Variants in HNRNPLL observed in about 807,000 individuals in gnomAD.
HNRNPLL encodes the protein heterogeneous nuclear ribonucleoprotein L-like.
A neutral mutation model predicts 67.1 loss-of-function variants in HNRNPLL; 25 were observed. That is an observed-to-expected ratio of 0.37 (90% confidence interval 0.27 to 0.52). The LOEUF (loss-of-function observed/expected upper bound fraction) is 0.52. Among genes scored for constraint, HNRNPLL ranks in the 20% least tolerant of loss-of-function variants. The pLI, the probability that HNRNPLL is intolerant of heterozygous loss-of-function variation, is 0.90. For synonymous variants in HNRNPLL, 267 were observed against 241.7 expected (o/e 1.10, Z -0.97); for missense variants, 542 against 673.9 (o/e 0.80, Z 2.17).
intron 6 of HNRNPLL, chr2:38,581,073 T>TGCA (rs1316315891): frequency 6.6e-6 from 1 of 152,248 alleles, no homozygotes; most frequent in Non-Finnish European, 1.5e-5. Context: ...GCAGCAAGTG[T>TGCA]GCACCTTTCT....
Position 38,598,520 on chromosome 2 carries a change from T to C in HNRNPLL, c.189+3918A>G, listed in dbSNP as rs1211818983. Among the ~76,000 whole-genome samples the C allele has an allele frequency of 3.3e-5, 5 of 152,236 alleles. No individual in the cohort carries two copies. In the South Asian group the frequency reaches 1.0e-3, roughly 32 times the overall value. ...TGCTGTGGCTGTAAGCCCTGAAAGT[T>C]GTGTTCAATTTCATGGAGGCAAAAA... On this transcript the variant is annotated intron_variant, in intron 1 of 12. Coordinates refer to ENST00000449105, the MANE Select transcript of HNRNPLL (RefSeq NM_138394.4).
chr2:38,601,633 G>C (rs887141759), intron 1 of HNRNPLL: 2 of 152,200 alleles, frequency 1.3e-5, no homozygotes, highest in Admixed American at 6.5e-5. Context: ...TCTGGTAAGA[G>C]AAAGACCTGG....
intron 9 of HNRNPLL, 34 bp from the exon 10 acceptor site, chr2:38,569,368 C>T (rs1573721917): frequency 1.4e-6 from 2 of 1,470,718 alleles, no homozygotes; most frequent in East Asian, 2.3e-5. Flanking sequence ...TACAAAAGTA[C>T]TTTGTTAGAT....
At chr2:38,597,781 C>A (rs1311414673) in intron 1 of HNRNPLL, among the ~76,000 whole-genome samples, 1 of 151,956 alleles carries the variant, frequency 6.6e-6, no homozygotes, top group Admixed American at 6.6e-5. Flanking sequence ...CGTCGCCCCT[C>A]CAGGTTTAGC....
chr2:38,595,293 A>AG (rs1291218913), intron 1 of HNRNPLL, among the ~76,000 whole-genome samples: 2 of 147,830 alleles, frequency 1.4e-5, no homozygotes, highest in East Asian at 2.0e-4. Flanking sequence ...AAAAAAAAAA[A>AG]AAAAGAAAAG....
intron 1 of HNRNPLL, among the ~76,000 whole-genome samples, chr2:38,593,280 A>T (rs146143568): frequency 1.4e-3 from 209 of 152,352 alleles, no homozygotes; most frequent in Non-Finnish European, 2.6e-3. Context: ...ATGAAATTCA[A>T]CAAGCAAATG....
intron 6 of HNRNPLL, among the ~76,000 whole-genome samples, chr2:38,578,803 C>T (rs1666406150): frequency 6.6e-6 from 1 of 152,008 alleles, no homozygotes; most frequent in Non-Finnish European, 1.5e-5. Flanking sequence ...CCATATTCTA[C>T]CCCATTTAGG....
rs1666959480 is a variant in HNRNPLL at position 38,591,596 on chromosome 2, C to T, written c.242G>A (p.Arg81Gln). Residue 81 changes from arginine (R) to glutamine (Q), a missense_variant, in exon 2 of 13, where the codon CGA (arginine) becomes CAA (glutamine). Physicochemically the swap from Arg to Gln is conservative, Grantham distance 43. This residue lies in a region of HNRNPLL where 415 missense variants were observed against 575.2 expected (regional missense o/e 0.72). Transcript: ENST00000449105. The part of the protein sequence containing the change: ...KVSVSPVVHV[R>Q]GLCESVVEAD... ...TTCCACCACAGATTCACAGAGTCCT[C>T]GAACATGGACGACGGGTGAAACAGA... 1 of 1,613,902 alleles carries T rather than the reference C, an allele frequency of 6.2e-7. No homozygotes were observed. The highest frequency in any genetic ancestry group is 1.7e-5 in the Admixed American group (1 of 60,014).
At chr2:38,595,584 C>T (rs1382771959) in intron 1 of HNRNPLL, among the ~76,000 whole-genome samples, 2 of 152,176 alleles carry the variant, frequency 1.3e-5, no homozygotes, top group East Asian at 3.8e-4. Context: ...GTGGCTCACG[C>T]CTGTAATGCC....
In HNRNPLL at chr2:38,602,139, C is replaced by T. The variant is rs1346973; in HGVS notation, c.189+299G>A. 8.5e-3 allele frequency: 3,679 copies of T among 432,076 alleles called. 73 individuals carry two copies. Among genetic ancestry groups the T allele is most frequent in the Admixed American group, 0.047 (972 of 20,778 alleles). The allele number at this position is 432,076 out of a possible 1,614,324, so 26.8% of individuals were successfully genotyped here. A position where few individuals can be genotyped will look rare whatever the true frequency, so the allele number is the denominator to read the frequency against. ...AAAGAGCTCCCCGAGCCGCGAAACC[C>T]CCCAGAGCGGAAGCGACGCCTCCCC... On this transcript the variant is annotated intron_variant, in intron 1 of 12. Coordinates refer to ENST00000449105, the MANE Select transcript of HNRNPLL (RefSeq NM_138394.4).
intron 6 of HNRNPLL, among the ~76,000 whole-genome samples, chr2:38,580,739 C>T (rs1291018306): frequency 6.6e-5 from 10 of 152,188 alleles, no homozygotes; most frequent in African/African-American, 1.2e-4. Flanking sequence ...CAAATTTATC[C>T]TCACGAAATC....
intron 2 of HNRNPLL, among the ~76,000 whole-genome samples, chr2:38,586,165 G>A (rs919184557): frequency 1.3e-5 from 2 of 152,062 alleles, no homozygotes; most frequent in African/African-American, 4.8e-5. Flanking sequence ...GGGACTACAG[G>A]TGCCCGCCAC....
chr2:38,592,232 C>T (rs992816504), intron 1 of HNRNPLL, among the ~76,000 whole-genome samples: 1 of 152,072 alleles, frequency 6.6e-6, no homozygotes, highest in Non-Finnish European at 1.5e-5. Flanking sequence ...GAAAATTTAG[C>T]AGATACATAG....
At chr2:38,578,218 T>G (rs1481349237) in intron 6 of HNRNPLL, among the ~76,000 whole-genome samples, 1 of 152,038 alleles carries the variant, frequency 6.6e-6, no homozygotes, top group African/African-American at 2.4e-5. Flanking sequence ...GGGGGCTACA[T>G]TATTGGATGA....
intron 12 of HNRNPLL, among the ~76,000 whole-genome samples, chr2:38,565,466 G>A (rs902187284): frequency 6.6e-6 from 1 of 152,036 alleles, no homozygotes; most frequent in African/African-American, 2.4e-5. Context: ...AGCAACTTGG[G>A]AGGCTGAGGC....
At position 38,602,793 on chromosome 2, in the gene HNRNPLL, G is replaced by A. The variant is rs987017586; in HGVS notation, c.-167C>T. ...CGGCCAGGAGACTGGCGGCTGAGAAGCGCGGACGGACTGAGGGGGGCGCCC... is the reference window on the plus strand; with the variant it reads ...CGGCCAGGAGACTGGCGGCTGAGAAACGCGGACGGACTGAGGGGGGCGCCC... On this transcript the variant is annotated 5_prime_UTR_variant, in exon 1 of 13. Transcript: ENST00000449105. 1 of 1,537,558 alleles carries A rather than the reference G, an allele frequency of 6.5e-7. No homozygotes were observed. Among genetic ancestry groups the A allele is most frequent in the Non-Finnish European group, 8.8e-7 (1 of 1,141,590 alleles).
At chr2:38,595,813 CA>C (rs1667166079) in intron 1 of HNRNPLL, among the ~76,000 whole-genome samples, 2 of 152,126 alleles carry the variant, frequency 1.3e-5, no homozygotes, top group Admixed American at 1.3e-4. Flanking sequence ...CACTGCACTC[CA>C]GCCTGGGCGA....
chr2:38,569,333 C>T lies in HNRNPLL; in HGVS notation c.1216G>A (p.Val406Met), dbSNP rs142463240. The change falls in exon 10 of 13, where the codon GTG (valine) becomes ATG (methionine). Residue 406 changes from valine to methionine, a missense_variant and splice_region_variant. By Grantham distance (21) the Val-to-Met change is conservative. Transcript: ENST00000449105. ...GGAACAACTGAATGTTGTTTAGACACGCTAAAGATTGTAAAGAAAAGACAT... is the reference window on the plus strand; with the variant it reads ...GGAACAACTGAATGTTGTTTAGACATGCTAAAGATTGTAAAGAAAAGACAT... ...KLFGKRLNVC[V>M]SKQHSVVPSQ... 23 of 1,600,614 alleles carry T rather than the reference C, an allele frequency of 1.4e-5. No individual in the cohort carries two copies. The East Asian group carries it at 1.6e-4, about 11-fold the overall frequency.
At chr2:38,581,888 A>C (rs1245574525) in intron 6 of HNRNPLL, 25 bp downstream of exon 6, 1 of 1,508,646 alleles carries the variant, frequency 6.6e-7, no homozygotes, top group East Asian at 2.3e-5. Context: ...GATCAAGTAC[A>C]TTCTAAAATG....
Sources: allele counts gnomAD v4.1 joint callset (sites outside exome capture counted in the v4.1 genomes callset), GRCh38; gene constraint gnomAD v4.1.1; regional missense constraint gnomAD v4.1.1; transcripts MANE v1.5; gene names NCBI Gene and HGNC (gene_info 2026-07-23, HGNC 2026-07-21).